Variants in TNIK observed in about 807,000 individuals in gnomAD.
TNIK encodes TRAF2 and NCK interacting kinase, also known as TRAF2 and NCK-interacting protein kinase.
Under a neutral mutation model 191.3 loss-of-function variants are expected in TNIK, and 49 were observed. The observed-to-expected ratio is 0.26, with a 90% CI of 0.20 to 0.32. The LOEUF is 0.32. Ranked by LOEUF, TNIK falls within the 10% of genes least tolerant of loss-of-function variation. TNIK has a pLI of 1.00. For missense variants in TNIK, 1,155 were observed against 1,702.3 expected (o/e 0.68, Z 5.66); for synonymous variants, 594 against 600.9 (o/e 0.99, Z 0.17).
intron 9 of TNIK, among the ~76,000 whole-genome samples, chr3:171,171,045 CTG>C (rs1368517177): frequency 6.6e-6 from 1 of 151,800 alleles, no homozygotes; most frequent in Non-Finnish European, 1.5e-5. Flanking sequence ...GAATGAGACT[CTG>C]TCTCTAAAAA....
intron 16 of TNIK, among the ~76,000 whole-genome samples, chr3:171,126,698 C>T (rs753080149): frequency 1.5e-3 from 229 of 152,338 alleles, no homozygotes; most frequent in South Asian, 2.1e-3. Context: ...GGAGCATGGA[C>T]TGGACCAGGC....
intron 1 of TNIK, among the ~76,000 whole-genome samples, chr3:171,430,255 ATT>A (rs1725199804): frequency 2.6e-5 from 4 of 152,196 alleles, no homozygotes; most frequent in Non-Finnish European, 4.4e-5. Flanking sequence ...CATCAAGTGA[ATT>A]TTACCTCTAC....
At chr3:171,305,770 T>C (rs1478226173) in intron 2 of TNIK, among the ~76,000 whole-genome samples, 1 of 152,210 alleles carries the variant, frequency 6.6e-6, no homozygotes, top group Non-Finnish European at 1.5e-5. Context: ...CTGGTGTGAA[T>C]GTAAATTAGT....
rs71634497 is a variant in TNIK at position 171,327,900 on chromosome 3, TAA to T, written c.123+41718_123+41719del. Among the ~76,000 whole-genome samples, 238 of 79,568 alleles carry T rather than the reference TAA, an allele frequency of 3.0e-3. 1 individual carries two copies. Among genetic ancestry groups the T allele is most frequent in the Admixed American group, 0.018 (110 of 5,952 alleles). 52.2% of individuals were successfully genotyped at this position (79,568 alleles called of 152,430 possible). The stretch of plus-strand genomic sequence containing the variant: ...ATCTGTGGCTCCCAAACCTGGCTCA[TAA>T]AAAAAAAAAAAAAAAAAAAAAAAAA... On this transcript the variant is annotated intron_variant, in intron 2 of 32. Transcript: ENST00000436636.
chr3:171,254,945 G>A (rs1560327880), intron 2 of TNIK, among the ~76,000 whole-genome samples: 1 of 152,162 alleles, frequency 6.6e-6, no homozygotes, highest in Non-Finnish European at 1.5e-5. Context: ...ATTGTGTTCT[G>A]AGAAGTAAAA....
chr3:171,308,355 G>A (rs1200958535), intron 2 of TNIK, among the ~76,000 whole-genome samples: 1 of 152,020 alleles, frequency 6.6e-6, no homozygotes, highest in Non-Finnish European at 1.5e-5. Context: ...ATGGTGCTGA[G>A]ATAACTGGTT....
chr3:171,065,598 C>T (rs1718334044), intron 32 of TNIK, among the ~76,000 whole-genome samples: 1 of 152,200 alleles, frequency 6.6e-6, no homozygotes, highest in Non-Finnish European at 1.5e-5. Flanking sequence ...CCTCTGAGGT[C>T]ACTGATCATG....
At chr3:171,231,075 A>C (rs554001318) in intron 2 of TNIK, among the ~76,000 whole-genome samples, 1 of 152,284 alleles carries the variant, frequency 6.6e-6, no homozygotes, top group South Asian at 2.1e-4. Context: ...TTGAGTGAAT[A>C]ATTTGTTACA....
At chr3:171,367,130 A>G (rs1391024447) in intron 2 of TNIK, among the ~76,000 whole-genome samples, 4 of 152,220 alleles carry the variant, frequency 2.6e-5, no homozygotes, top group South Asian at 4.1e-4. Context: ...TTTATGTATA[A>G]GGACCTCCTC....
At chr3:171,408,270 G>C (rs374809273) in intron 1 of TNIK, among the ~76,000 whole-genome samples, 1 of 151,242 alleles carries the variant, frequency 6.6e-6, no homozygotes, top group African/African-American at 2.4e-5. Flanking sequence ...TTTTTCCCCC[G>C]CTCAATCTGG....
intron 2 of TNIK, among the ~76,000 whole-genome samples, chr3:171,299,728 G>GTT (rs754149213): frequency 2.4e-4 from 36 of 152,268 alleles, no homozygotes; most frequent in Non-Finnish European, 4.7e-4. Flanking sequence ...CTAGCATCAA[G>GTT]TTTACAAACT....
chr3:171,314,385 A>G (rs1042460416), intron 2 of TNIK, among the ~76,000 whole-genome samples: 4 of 152,100 alleles, frequency 2.6e-5, no homozygotes, highest in African/African-American at 9.7e-5. Context: ...ATATGACTCA[A>G]TCCTCCATGA....
intron 4 of TNIK, among the ~76,000 whole-genome samples, chr3:171,195,922 G>C (rs1399596047): frequency 6.6e-6 from 1 of 152,166 alleles, no homozygotes; most frequent in Non-Finnish European, 1.5e-5. Flanking sequence ...TGTCAAAAAG[G>C]ATTCAATTTC....
chr3:171,083,634 CT>C (rs1310001736), intron 26 of TNIK, among the ~76,000 whole-genome samples: 2 of 152,086 alleles, frequency 1.3e-5, no homozygotes, highest in Non-Finnish European at 1.5e-5. Flanking sequence ...ATTTGTTGTT[CT>C]TTTCAAGTTT....
intron 18 of TNIK, among the ~76,000 whole-genome samples, chr3:171,118,079 G>A (rs1727041504): frequency 6.6e-6 from 1 of 152,140 alleles, no homozygotes; most frequent in African/African-American, 2.4e-5. Flanking sequence ...AAGCTGATAA[G>A]CAACTTCAGC....
chr3:171,237,006 A>G (rs920245797), intron 2 of TNIK, among the ~76,000 whole-genome samples: 3 of 152,198 alleles, frequency 2.0e-5, no homozygotes, highest in African/African-American at 4.8e-5. Context: ...TATGGCTTCA[A>G]TAGGAAGCCA....
chr3:171,429,831 C>T (rs181596528), intron 1 of TNIK, among the ~76,000 whole-genome samples: 4 of 152,166 alleles, frequency 2.6e-5, no homozygotes, highest in African/African-American at 9.7e-5. Context: ...AAGCCTTTCA[C>T]ATACATTCTA....
At chr3:171,266,570 T>G (rs1279494393) in intron 2 of TNIK, among the ~76,000 whole-genome samples, 2 of 152,186 alleles carry the variant, frequency 1.3e-5, no homozygotes, top group Non-Finnish European at 2.9e-5. Context: ...TCAGACCTCA[T>G]TATGTCACTC....
intron 3 of TNIK, among the ~76,000 whole-genome samples, chr3:171,224,645 G>A (rs530507196): frequency 3.9e-5 from 6 of 152,242 alleles, no homozygotes; most frequent in Non-Finnish European, 8.8e-5. Flanking sequence ...CCAGGAATTT[G>A]CATTTCTCAT....
Sources: allele counts gnomAD v4.1 joint callset (sites outside exome capture counted in the v4.1 genomes callset), GRCh38; gene constraint gnomAD v4.1.1; transcripts MANE v1.5; gene names NCBI Gene and HGNC (gene_info 2026-07-23, HGNC 2026-07-21).